DLGAP1: variants seen among roughly 807,000 people sequenced by gnomAD.
The protein encoded by DLGAP1 is disks large-associated protein 1.
A neutral mutation model predicts 90.8 loss-of-function variants in DLGAP1; 11 were observed. The ratio of observed to expected loss-of-function variants is 0.12; its 90% confidence interval spans 0.08 to 0.20. DLGAP1 has a LOEUF of 0.20. DLGAP1 is among the 10% of genes least tolerant of loss of function. DLGAP1 has a pLI of 1.00. For missense variants in DLGAP1, 1,050 were observed against 1,333.8 expected (o/e 0.79, Z 3.31); for synonymous variants, 558 against 540.7 (o/e 1.03, Z -0.44).
intron 1 of DLGAP1, among the ~76,000 whole-genome samples, chr18:4,273,192 T>G (rs1454700092): frequency 1.3e-5 from 2 of 152,328 alleles, no homozygotes; most frequent in East Asian, 3.9e-4. Context: ...CTTTCCATTA[T>G]AGCAAATTTG....
intron 1 of DLGAP1, chr18:4,275,325 C>T (rs1367722155): frequency 1.3e-5 from 2 of 152,264 alleles, no homozygotes; most frequent in East Asian, 3.9e-4. Context: ...TAGAGATCCT[C>T]GTGGTGAATT....
At chr18:4,355,850 C>T (rs1259311290) in intron 1 of DLGAP1, among the ~76,000 whole-genome samples, 1 of 86,734 alleles carries the variant, frequency 1.2e-5, no homozygotes, top group Non-Finnish European at 3.0e-5. Flanking sequence ...ACTAGACTAG[C>T]TGCTGCTCTC....
At chr18:4,126,270 T>C (rs749797891) in intron 2 of DLGAP1, among the ~76,000 whole-genome samples, 6 of 152,194 alleles carry the variant, frequency 3.9e-5, no homozygotes, top group Non-Finnish European at 8.8e-5. Flanking sequence ...CAGAGCTGAT[T>C]TTATATTGCC....
Position 3,582,182 on chromosome 18 carries a change from G to T in DLGAP1, c.1658C>A (p.Pro553His). ...ACTCTGGGCTGTGATAGAAATGAAA[G>T]GTTTCGTGGTAGTTCTGGGTGGGAC... ...PPVPPRTTTK[P>H]FISITAQSST... is the part of the protein sequence containing the mutation. Residue 553 changes from proline to histidine, a missense_variant, in exon 8 of 13, where the codon CCT becomes CAT. By Grantham distance (77) the Pro-to-His change is moderately conservative (BLOSUM62 -2). Around this residue, in one of 2 missense-constraint regions of DLGAP1, gnomAD observed 565 missense variants for 879.7 expected, o/e 0.64. Transcript: ENST00000315677. 1.2e-6 allele frequency: 2 copies of T among 1,614,088 alleles called. No individual in the cohort carries two copies. Among genetic ancestry groups the T allele is most frequent in the Non-Finnish European group, 1.7e-6 (2 of 1,180,020 alleles).
chr18:3,614,518 A>G (rs2057764334), intron 7 of DLGAP1, among the ~76,000 whole-genome samples: 1 of 152,132 alleles, frequency 6.6e-6, no homozygotes, highest in South Asian at 2.1e-4. Flanking sequence ...AAATAGCTGT[A>G]TCAAAAAGAA....
At chr18:3,899,375 G>C (rs894278571) in intron 3 of DLGAP1, among the ~76,000 whole-genome samples, 12 of 152,216 alleles carry the variant, frequency 7.9e-5, no homozygotes, top group Admixed American at 3.9e-4. Flanking sequence ...GACCAGATCT[G>C]AGTATGATCA....
At chr18:4,367,443 A>G (rs190306640) in intron 1 of DLGAP1, among the ~76,000 whole-genome samples, 1 of 152,200 alleles carries the variant, frequency 6.6e-6, no homozygotes, top group African/African-American at 2.4e-5. Flanking sequence ...AAATTGCAAA[A>G]CTTCCTAGCT....
chr18:4,375,268 A>C (rs187398078), intron 1 of DLGAP1, among the ~76,000 whole-genome samples: 6 of 152,258 alleles, frequency 3.9e-5, no homozygotes, highest in Middle Eastern at 6.8e-3. Flanking sequence ...GAAGCTACAG[A>C]ATGACAGTCA....
At chr18:4,447,086 T>C (rs1201405510) in intron 1 of DLGAP1, among the ~76,000 whole-genome samples, 1 of 152,232 alleles carries the variant, frequency 6.6e-6, no homozygotes, top group Non-Finnish European at 1.5e-5. Context: ...GGATCATAAA[T>C]AGGTACAACC....
chr18:3,766,274 A>C (rs2064239325), intron 5 of DLGAP1, among the ~76,000 whole-genome samples: 1 of 152,184 alleles, frequency 6.6e-6, no homozygotes, highest in Non-Finnish European at 1.5e-5. Context: ...TTAATTCATC[A>C]GGAAGACATA....
rs150578647 is a variant in DLGAP1, at chr18:3,832,112, G to T, written c.958-17839C>A. 2.6e-3 allele frequency among the ~76,000 whole-genome samples: 392 copies of T among 152,266 alleles called. 1 individual carries two copies. Among genetic ancestry groups the T allele is most frequent in the Middle Eastern group, 0.017 (5 of 294 alleles). ...GTCAAGATAATAAATGATTACCTTT[G>T]CATATAGAAATAACCAGAACCCATG... On this transcript the variant is annotated intron_variant, in intron 4 of 12. Coordinates refer to ENST00000315677, the MANE Select transcript of DLGAP1 (RefSeq NM_004746.4).
intron 8 of DLGAP1, among the ~76,000 whole-genome samples, chr18:3,576,131 C>T (rs1304848281): frequency 6.6e-6 from 1 of 152,176 alleles, no homozygotes; most frequent in Non-Finnish European, 1.5e-5. Context: ...CCTAGGCCTC[C>T]TTGTCAGCTG....
At chr18:3,817,261 T>C (rs1196763272) in intron 4 of DLGAP1, among the ~76,000 whole-genome samples, 1 of 152,232 alleles carries the variant, frequency 6.6e-6, no homozygotes, top group Non-Finnish European at 1.5e-5. Context: ...TGGCAAATTT[T>C]GTTCAGATAT....
At chr18:4,271,858 A>G (rs1218257530) in intron 1 of DLGAP1, among the ~76,000 whole-genome samples, 1 of 152,194 alleles carries the variant, frequency 6.6e-6, no homozygotes, top group African/African-American at 2.4e-5. Context: ...AAGACCTTAA[A>G]GCTTGAGGGA....
chr18:3,573,901 T>TA (rs763551566), intron 8 of DLGAP1, among the ~76,000 whole-genome samples: 5 of 152,112 alleles, frequency 3.3e-5, no homozygotes, highest in African/African-American at 7.2e-5. Flanking sequence ...AAGGTCTCGT[T>TA]ATGTTGCTTA....
At position 3,597,111 on chromosome 18, in the gene DLGAP1, C is replaced by A. The variant is rs373740544; in HGVS notation, c.1592-14863G>T. 3.0e-4 allele frequency: 154 copies of A among 519,814 alleles called. No homozygotes were observed. The East Asian group carries it at 7.6e-3, about 26-fold the overall frequency. 32.2% of individuals were successfully genotyped at this position (519,814 alleles called of 1,614,324 possible). On this transcript the variant is annotated intron_variant, in intron 7 of 12. Coordinates refer to ENST00000315677, the MANE Select transcript of DLGAP1 (RefSeq NM_004746.4). ...TTACTCTTTTTTTTTTCACTCTCAG[C>A]CCACACAAAACTAGGAACTTTGTTA...
intron 2 of DLGAP1, among the ~76,000 whole-genome samples, chr18:4,102,925 C>T (rs1236205261): frequency 2.6e-5 from 4 of 152,106 alleles, no homozygotes; most frequent in Non-Finnish European, 5.9e-5. Context: ...GTGGGGAATT[C>T]CCACTTCTCT....
rs1162973453 is a variant in DLGAP1, at chr18:4,331,858, CTTTA to C, written c.-267+123144_-267+123147del. On this transcript the variant is annotated intron_variant, in intron 1 of 12. Transcript: ENST00000315677. ...CTGCAAGCATGCGAAAGTGTTATCACTTTATTCATTCATTCTCTCAACAAATATT... is the reference window on the plus strand; with the variant it reads ...CTGCAAGCATGCGAAAGTGTTATCACTTCATTCATTCTCTCAACAAATATT... 2.6e-5 allele frequency among the ~76,000 whole-genome samples: 4 copies of C among 152,040 alleles called. No homozygotes were observed. In the East Asian group the frequency reaches 7.7e-4, roughly 29 times the overall value.
chr18:3,504,956 A>G (rs1400695230), intron 11 of DLGAP1, among the ~76,000 whole-genome samples: 1 of 152,110 alleles, frequency 6.6e-6, no homozygotes, highest in Non-Finnish European at 1.5e-5. Context: ...TCCTTGGTTT[A>G]GTTACGTTGG....
Sources: allele counts gnomAD v4.1 joint callset (sites outside exome capture counted in the v4.1 genomes callset), GRCh38; gene constraint gnomAD v4.1.1; regional missense constraint gnomAD v4.1.1; transcripts MANE v1.5; gene names NCBI Gene and HGNC (gene_info 2026-07-23, HGNC 2026-07-21).